Variants in TTC13 observed in about 807,000 individuals in gnomAD.
The protein encoded by TTC13 is tetratricopeptide repeat protein 13.
In TTC13, 62 loss-of-function variants were observed where a neutral mutation model predicts 120.0. The observed-to-expected ratio is 0.52, with a 90% CI of 0.42 to 0.64. The LOEUF (loss-of-function observed/expected upper bound fraction) is 0.64. Among genes scored for constraint, TTC13 ranks in the 30% least tolerant of loss-of-function variants. TTC13 has a pLI of 0.00. For synonymous variants in TTC13, 384 were observed against 393.5 expected (o/e 0.98, Z 0.28); for missense variants, 824 against 1,050.2 (o/e 0.78, Z 2.98).
At chr1:230,948,567 A>G (rs2102910754) in intron 4 of TTC13, among the ~76,000 whole-genome samples, 1 of 151,420 alleles carries the variant, frequency 6.6e-6, no homozygotes, top group East Asian at 1.9e-4. Context: ...AGCCTAGCTC[A>G]CTACAGCCTC....
chr1:230,912,166 G>T (rs1266890734), intron 19 of TTC13, among the ~76,000 whole-genome samples: 1 of 152,016 alleles, frequency 6.6e-6, no homozygotes, highest in Admixed American at 6.5e-5. Flanking sequence ...CAAAGAAGAA[G>T]GCCACAGACC....
At chr1:230,943,007 G>A (rs1674652377) in intron 6 of TTC13, among the ~76,000 whole-genome samples, 1 of 152,104 alleles carries the variant, frequency 6.6e-6, no homozygotes. Context: ...ATGTATCCAT[G>A]CACCTAGGTC....
intron 2 of TTC13, among the ~76,000 whole-genome samples, chr1:230,958,723 G>A (rs945301022): frequency 6.6e-6 from 1 of 152,212 alleles, no homozygotes; most frequent in African/African-American, 2.4e-5. Flanking sequence ...GGGCATGGTG[G>A]CTCACGCCTT....
chr1:230,930,729 C>A (rs1287442469), intron 11 of TTC13, among the ~76,000 whole-genome samples: 1 of 152,148 alleles, frequency 6.6e-6, no homozygotes, highest in Non-Finnish European at 1.5e-5. Flanking sequence ...ACCATCCTGG[C>A]CAACATGGTG....
chr1:230,912,837 CA>C, intron 18 of TTC13, 79 bp from the exon 19 acceptor site: 1 of 1,310,218 alleles, frequency 7.6e-7, no homozygotes, highest in East Asian at 2.3e-5. Context: ...TTTTAAAAAG[CA>C]AATAGCATAC....
intron 17 of TTC13, among the ~76,000 whole-genome samples, chr1:230,918,123 T>A (rs910535347): frequency 2.0e-5 from 3 of 152,226 alleles, no homozygotes; most frequent in African/African-American, 7.2e-5. Context: ...ATTTAATCAA[T>A]ATGTGGGCCT....
At chr1:230,936,896 A>T (rs1371395038) in intron 8 of TTC13, among the ~76,000 whole-genome samples, 1 of 152,188 alleles carries the variant, frequency 6.6e-6, no homozygotes, top group East Asian at 1.9e-4. Flanking sequence ...TGTAACAGGG[A>T]CACCCTCCAC....
chr1:230,911,910 C>T (rs567066334), intron 19 of TTC13, among the ~76,000 whole-genome samples: 1 of 152,248 alleles, frequency 6.6e-6, no homozygotes, highest in East Asian at 1.9e-4. Flanking sequence ...GTACCTTACC[C>T]CAAAAGATCT....
At position 230,924,889 on chromosome 1, in the gene TTC13, C is replaced by T; in HGVS notation, c.1673G>A (p.Arg558Gln). 3 of 1,614,222 alleles carry T rather than the reference C, an allele frequency of 1.9e-6. No individual in the cohort carries two copies. Among genetic ancestry groups the T allele is most frequent in the East Asian group, 2.2e-5 (1 of 44,886 alleles). The change falls in exon 14 of 23, where the codon CGG (arginine) becomes CAG (glutamine). Residue 558 changes from arginine to glutamine, a missense_variant. Coordinates refer to ENST00000366661, the MANE Select transcript of TTC13 (RefSeq NM_024525.5). ...AAACATGTCTCTCCACTGCATCAAC[C>T]GTGTCTTCCCATTCATTCGAACTTT... is the stretch of plus-strand genomic sequence containing the variant. ...NSKVRMNGKT[R>Q]LMQWRDMFDI...
intron 17 of TTC13, 24 bp from the exon 18 acceptor site, chr1:230,916,326 C>G: frequency 1.3e-6 from 2 of 1,533,332 alleles, no homozygotes; most frequent in Non-Finnish European, 1.8e-6. Flanking sequence ...AGAAAATTCA[C>G]GTTACTAGTG....
intron 1 of TTC13, among the ~76,000 whole-genome samples, chr1:230,969,616 CTTAA>C (rs891819458): frequency 1.2e-4 from 18 of 152,172 alleles, no homozygotes; most frequent in Non-Finnish European, 2.5e-4. Flanking sequence ...TGACTTCAAA[CTTAA>C]TTAATTAGTT....
intron 16 of TTC13, 43 bp downstream of exon 16, chr1:230,921,378 T>C (rs754433051): frequency 4.4e-6 from 5 of 1,137,054 alleles, no homozygotes; most frequent in Middle Eastern, 2.0e-4. Context: ...ATAAAACACA[T>C]GAAATCAACT....
In TTC13 at chr1:230,906,731, A is replaced by G; in HGVS notation, c.*174T>C. The G allele has an allele frequency of 2.8e-6, 1 of 357,270 alleles. No homozygotes were observed. Among genetic ancestry groups the G allele is most frequent in the Non-Finnish European group, 5.1e-6 (1 of 194,448 alleles). The allele number at this position is 357,270 out of a possible 1,614,324, so 22.1% of individuals were successfully genotyped here. On this transcript the variant is annotated 3_prime_UTR_variant, in exon 23 of 23. Coordinates refer to ENST00000366661, the MANE Select transcript of TTC13 (RefSeq NM_024525.5). ...CTTTTTCCCCCCGAAAGCCTCTTTC[A>G]TGATTTTCATTATGGTTCAGAAAAG... is the stretch of plus-strand genomic sequence containing the variant.
rs747003518 is a variant in TTC13 at position 230,911,459 on chromosome 1, A to G, written c.2309+11T>C. On this transcript the variant is annotated intron_variant, in intron 20 of 22. Transcript: ENST00000366661. The stretch of plus-strand genomic sequence containing the variant: ...AATTTAAAATAATTTTAATGACAGG[A>G]TATTACTTACCTGGATCCTCGAGAG... The G allele has an allele frequency of 1.9e-6, 3 of 1,547,186 alleles. No homozygotes were observed. The highest frequency in any genetic ancestry group is 2.6e-6 in the Non-Finnish European group (3 of 1,136,700).
At chr1:230,965,612 C>CTGCTGGG (rs1455128232) in intron 1 of TTC13, among the ~76,000 whole-genome samples, 1 of 152,236 alleles carries the variant, frequency 6.6e-6, no homozygotes, top group East Asian at 1.9e-4. Context: ...AGCAATCCCA[C>CTGCTGGG]TGCTGGGTAC....
At chr1:230,977,063 G>A (rs548945573) in intron 1 of TTC13, among the ~76,000 whole-genome samples, 1 of 152,254 alleles carries the variant, frequency 6.6e-6, no homozygotes, top group South Asian at 2.1e-4. Flanking sequence ...TCTGGAGCCC[G>A]ACTTCATGGG....
chr1:230,919,700 AG>A (rs1328146597), intron 17 of TTC13, among the ~76,000 whole-genome samples: 1 of 152,202 alleles, frequency 6.6e-6, no homozygotes, highest in African/African-American at 2.4e-5. Context: ...TCTTAGTCCT[AG>A]GTTGTGGGCC....
At chr1:230,913,992 T>C (rs1300003262) in intron 18 of TTC13, among the ~76,000 whole-genome samples, 3 of 152,126 alleles carry the variant, frequency 2.0e-5, no homozygotes, top group Admixed American at 6.5e-5. Flanking sequence ...GAGAGATTTG[T>C]GGAGCTAGGG....
At chr1:230,947,331 A>T (rs1055505033) in intron 4 of TTC13, among the ~76,000 whole-genome samples, 2 of 152,142 alleles carry the variant, frequency 1.3e-5, no homozygotes, top group Non-Finnish European at 1.5e-5. Flanking sequence ...CCTAATGAGG[A>T]ATTAAAAGTA....
Sources: allele counts gnomAD v4.1 joint callset (sites outside exome capture counted in the v4.1 genomes callset), GRCh38; gene constraint gnomAD v4.1.1; transcripts MANE v1.5; gene names NCBI Gene and HGNC (gene_info 2026-07-23, HGNC 2026-07-21).